SUMF1: variants seen among roughly 807,000 people sequenced by gnomAD.
SUMF1 encodes the protein formylglycine-generating enzyme.
SUMF1 carries 48 observed loss-of-function variants against 47.6 expected under a neutral mutation model. That is an observed-to-expected ratio of 1.01 (90% CI 0.80 to 1.28). The LOEUF (loss-of-function observed/expected upper bound fraction) is 1.28, where lower values mean the gene tolerates loss of function less well. Ranked by LOEUF, SUMF1 falls within the 50% of genes most tolerant of loss-of-function variation. The probability of loss-of-function intolerance (pLI) is 0.00; values close to 1 mark genes in which losing one functional copy is unlikely to be tolerated. For missense variants in SUMF1, 571 were observed against 485.4 expected (o/e 1.18, Z -1.66); for synonymous variants, 230 against 192.1 (o/e 1.20, Z -1.63).
At chr3:4,335,467 T>TTAG (rs1241754881) in intron 8 of SUMF1, among the ~76,000 whole-genome samples, 10 of 152,348 alleles carry the variant, frequency 6.6e-5, no homozygotes, top group African/African-American at 1.9e-4. Context: ...AGCTAAAGGC[T>TTAG]ACTCTCCACC....
chr3:4,229,321 T>G, intron 8 of SUMF1: 1 of 411,122 alleles, frequency 2.4e-6, no homozygotes, highest in South Asian at 1.8e-5. Context: ...TGTGAAATCC[T>G]CTGGTGAGCC....
intron 3 of SUMF1, among the ~76,000 whole-genome samples, chr3:4,432,710 G>A (rs917703189): frequency 8.5e-5 from 13 of 152,068 alleles, no homozygotes; most frequent in Non-Finnish European, 1.3e-4. Flanking sequence ...TATTTGAATC[G>A]CAGTCCGTCA....
intron 9 of SUMF1, among the ~76,000 whole-genome samples, chr3:4,057,239 A>G (rs1695208834): frequency 6.6e-6 from 1 of 152,162 alleles, no homozygotes; most frequent in Admixed American, 6.6e-5. Flanking sequence ...AGTATGCCAG[A>G]TGGAGAAATG....
At chr3:4,119,563 G>T (rs1317429076) in intron 8 of SUMF1, among the ~76,000 whole-genome samples, 2 of 151,998 alleles carry the variant, frequency 1.3e-5, no homozygotes, top group East Asian at 3.9e-4. Context: ...ATTCTTCAAG[G>T]CCTTACTGAA....
chr3:4,109,885 T>C (rs536704624), intron 8 of SUMF1, among the ~76,000 whole-genome samples: 1 of 152,242 alleles, frequency 6.6e-6, no homozygotes, highest in South Asian at 2.1e-4. Context: ...CTCCTTTAGC[T>C]CGGAGTAGTT....
In SUMF1 at chr3:4,111,809, C is replaced by A. The variant is rs373017428; in HGVS notation, c.1015-43064G>T. ...TTACGTGTATGTATACCAAGTACAA[C>A]GTAAAAGGTGTTTTAGTATGGAAAA... On this transcript the variant is annotated intron_variant and NMD_transcript_variant, in intron 8 of 12. Coordinates refer to the SUMF1 transcript ENST00000448413. Among the ~76,000 whole-genome samples the A allele has an allele frequency of 3.9e-4, 59 of 152,026 alleles. 1 individual carries two copies. In the South Asian group the frequency reaches 0.012, roughly 31 times the overall value.
At chr3:4,249,685 GT>G (rs1439360335) in intron 8 of SUMF1, among the ~76,000 whole-genome samples, 1 of 152,084 alleles carries the variant, frequency 6.6e-6, no homozygotes, top group Non-Finnish European at 1.5e-5. Context: ...TGGCCTCTAA[GT>G]TTTTAAGTAA....
chr3:4,396,001 A>AAG, intron 7 of SUMF1, among the ~76,000 whole-genome samples: 1 of 152,250 alleles, frequency 6.6e-6, no homozygotes, highest in Non-Finnish European at 1.5e-5. Context: ...CAGACATATA[A>AAG]TTGACCATCC....
chr3:4,388,623 T>C (rs987448009), intron 7 of SUMF1, among the ~76,000 whole-genome samples: 1 of 152,120 alleles, frequency 6.6e-6, no homozygotes, highest in Non-Finnish European at 1.5e-5. Flanking sequence ...GTCTGTTCTC[T>C]ATTTTTTTGT....
intron 8 of SUMF1, among the ~76,000 whole-genome samples, chr3:4,181,469 T>C (rs1695094105): frequency 6.6e-6 from 1 of 152,188 alleles, no homozygotes; most frequent in Non-Finnish European, 1.5e-5. Flanking sequence ...GTAAAGAGGC[T>C]GGACAGAGAG....
intron 8 of SUMF1, among the ~76,000 whole-genome samples, chr3:4,119,403 C>A (rs1693491223): frequency 6.6e-6 from 1 of 152,100 alleles, no homozygotes; most frequent in Non-Finnish European, 1.5e-5. Flanking sequence ...ACCCATGTTC[C>A]AGACAATGTG....
At chr3:4,041,509 T>C (rs1371950767) in intron 9 of SUMF1, among the ~76,000 whole-genome samples, 1 of 152,092 alleles carries the variant, frequency 6.6e-6, no homozygotes, top group Non-Finnish European at 1.5e-5. Context: ...GGAAACTTAG[T>C]GAGTAAGAAG....
Position 4,335,002 on chromosome 3 carries a change from C to T in SUMF1, c.1014+41328G>A, listed in dbSNP as rs1699117483. Reference sequence around the variant, plus strand: ...GAAGGCAGTCTTACGTAAATAAAACCTCTCAGGTAGTCAAATTTTGATTTT... The same window carrying T: ...GAAGGCAGTCTTACGTAAATAAAACTTCTCAGGTAGTCAAATTTTGATTTT... On this transcript the variant is annotated intron_variant and NMD_transcript_variant, in intron 8 of 12. Coordinates refer to the SUMF1 transcript ENST00000448413. Among the ~76,000 whole-genome samples the T allele has an allele frequency of 3.3e-5, 5 of 152,026 alleles. No homozygotes were observed. The South Asian group carries it at 1.0e-3, about 32-fold the overall frequency.
intron 9 of SUMF1, among the ~76,000 whole-genome samples, chr3:4,039,642 T>A (rs1356897406): frequency 1.3e-5 from 2 of 148,216 alleles, no homozygotes; most frequent in African/African-American, 5.3e-5. Context: ...TTTGGGTTGG[T>A]TCCAAGTCTT....
At chr3:4,314,914 T>C (rs1171543258) in intron 8 of SUMF1, among the ~76,000 whole-genome samples, 5 of 152,238 alleles carry the variant, frequency 3.3e-5, no homozygotes, top group Admixed American at 2.0e-4. Flanking sequence ...TTCAACATTA[T>C]AGGAATCCAT....
intron 3 of SUMF1, among the ~76,000 whole-genome samples, chr3:4,421,354 C>G (rs1701891893): frequency 6.6e-6 from 1 of 152,194 alleles, no homozygotes; most frequent in Admixed American, 6.5e-5. Context: ...CCCTTAGCAA[C>G]TGAGGTTAAT....
intron 8 of SUMF1, among the ~76,000 whole-genome samples, chr3:4,281,000 C>T (rs1475595192): frequency 6.6e-6 from 1 of 151,980 alleles, no homozygotes; most frequent in Non-Finnish European, 1.5e-5. Context: ...TTCACAAGTA[C>T]TAGGAGTTAG....
In SUMF1 at chr3:4,291,085, T is replaced by C. The variant is rs140170278; in HGVS notation, c.1014+85245A>G. 6.4e-4 allele frequency among the ~76,000 whole-genome samples: 98 copies of C among 152,310 alleles called. 1 individual carries two copies. Among genetic ancestry groups the C allele is most frequent in the African/African-American group, 2.3e-3 (95 of 41,570 alleles). On this transcript the variant is annotated intron_variant and NMD_transcript_variant, in intron 8 of 12. Coordinates refer to the SUMF1 transcript ENST00000448413. ...AAAAGAACCCACATAAAATGTTTTG[T>C]CTAATGTCGGGCACATAGTATGTGT...
chr3:4,295,390 C>T (rs1017373850), intron 8 of SUMF1, among the ~76,000 whole-genome samples: 8 of 151,678 alleles, frequency 5.3e-5, no homozygotes, highest in South Asian at 2.1e-4. Flanking sequence ...TAAAATAGGA[C>T]GCTTGTGGAA....
Sources: allele counts gnomAD v4.1 joint callset (sites outside exome capture counted in the v4.1 genomes callset), GRCh38; gene constraint gnomAD v4.1.1; transcripts MANE v1.5; gene names NCBI Gene and HGNC (gene_info 2026-07-23, HGNC 2026-07-21).